RBM27: variants seen among roughly 807,000 people sequenced by gnomAD.
RBM27 encodes the protein RNA binding motif protein 27, also known as RNA-binding protein 27.
Under a neutral mutation model 135.3 loss-of-function variants are expected in RBM27, and 22 were observed. The observed-to-expected ratio is 0.16, with a 90% CI of 0.12 to 0.23. RBM27 has a LOEUF of 0.23. Ranked by LOEUF, RBM27 falls within the 10% of genes least tolerant of loss-of-function variation. The pLI, the probability that RBM27 is intolerant of heterozygous loss-of-function variation, is 1.00. For synonymous variants in RBM27, 481 were observed against 442.4 expected, an observed-to-expected ratio of 1.09 and a Z score of -1.10; for missense variants, 1,009 against 1,281.0, an observed-to-expected ratio of 0.79 and a Z score of 3.24.
intron 8 of RBM27, among the ~76,000 whole-genome samples, chr5:146,241,447 T>C (rs1358259224): frequency 6.6e-6 from 1 of 152,216 alleles, no homozygotes; most frequent in Non-Finnish European, 1.5e-5. Context: ...GACTATTTTG[T>C]AGTATATGAG....
At position 146,286,255 on chromosome 5, in the gene RBM27, A is replaced by G. The variant is rs1463539142; in HGVS notation, c.*225A>G. The G allele has an allele frequency of 2.6e-6, 1 of 377,814 alleles. No individual in the cohort carries two copies. The highest frequency in any genetic ancestry group is 4.7e-6 in the Non-Finnish European group (1 of 213,966). 23.4% of individuals were successfully genotyped at this position (377,814 alleles called of 1,614,324 possible). A position where few individuals can be genotyped will look rare whatever the true frequency, so the allele number is the denominator to read the frequency against. ...TTACACAGTTGTGAAGATCCACAGCAATGACATGGATAATCTCTAGAGCCT... is the reference window on the plus strand; with the variant it reads ...TTACACAGTTGTGAAGATCCACAGCGATGACATGGATAATCTCTAGAGCCT... On this transcript the variant is annotated 3_prime_UTR_variant, in exon 21 of 21. Transcript: ENST00000265271.
intron 14 of RBM27, among the ~76,000 whole-genome samples, chr5:146,264,985 A>G (rs997464671): frequency 3.3e-5 from 5 of 152,194 alleles, no homozygotes; most frequent in Non-Finnish European, 5.9e-5. Context: ...TGAGATTTAG[A>G]TGCTGATTGA....
In RBM27 at chr5:146,222,180, A is replaced by C. The variant is rs191432628; in HGVS notation, c.179-1223A>C. ...ATAGTCAATGAGAGCTAACAGTTTT[A>C]TAATCGTGGAAAAATGCTTACTACA... On this transcript the variant is annotated intron_variant, in intron 2 of 20. Coordinates refer to ENST00000265271, the MANE Select transcript of RBM27 (RefSeq NM_018989.2). Among the ~76,000 whole-genome samples the C allele has an allele frequency of 2.1e-3, 314 of 152,360 alleles. 3 individuals are homozygous for C. Among genetic ancestry groups the C allele is most frequent in the African/African-American group, 7.1e-3 (296 of 41,588 alleles).
At chr5:146,205,909 C>T (rs535996188) in intron 1 of RBM27, among the ~76,000 whole-genome samples, 1 of 152,108 alleles carries the variant, frequency 6.6e-6, no homozygotes, top group African/African-American at 2.4e-5. Flanking sequence ...GTCCCAACTA[C>T]TCGGGAGGCT....
intron 3 of RBM27, among the ~76,000 whole-genome samples, chr5:146,226,318 A>T (rs544732057): frequency 6.6e-6 from 1 of 152,108 alleles, no homozygotes; most frequent in East Asian, 1.9e-4. Context: ...AGTGGTTTAG[A>T]TGTATCTGTT....
chr5:146,261,886 C>G, intron 13 of RBM27, 80 bp downstream of exon 13: 4 of 1,424,256 alleles, frequency 2.8e-6, no homozygotes, highest in Non-Finnish European at 3.9e-6. Context: ...GTCCTTGGGT[C>G]TTCTACAGAA....
chr5:146,218,077 T>C (rs919689587), intron 1 of RBM27, among the ~76,000 whole-genome samples: 1 of 152,200 alleles, frequency 6.6e-6, no homozygotes. Context: ...TCATTTTACC[T>C]TCATAACCTG....
intron 8 of RBM27, among the ~76,000 whole-genome samples, chr5:146,246,714 G>A (rs1757639703): frequency 2.0e-5 from 3 of 152,086 alleles, no homozygotes. Flanking sequence ...AACATATTAT[G>A]ATGGAAAATT....
intron 19 of RBM27, among the ~76,000 whole-genome samples, chr5:146,282,280 A>G (rs541149511): frequency 6.6e-6 from 1 of 152,354 alleles, no homozygotes; most frequent in South Asian, 2.1e-4. Context: ...TGTTAGGATT[A>G]CAGGCGTGAG....
chr5:146,237,247 T>C, intron 7 of RBM27, 51 bp from the exon 8 acceptor site: 2 of 1,607,888 alleles, frequency 1.2e-6, no homozygotes, highest in South Asian at 1.1e-5. Context: ...CTGATACTTT[T>C]ATTAGGAAAT....
chr5:146,266,221 A>G (rs547125225), intron 14 of RBM27, among the ~76,000 whole-genome samples: 1 of 152,304 alleles, frequency 6.6e-6, no homozygotes, highest in African/African-American at 2.4e-5. Flanking sequence ...TTTAAAAGAA[A>G]TTTGGGGGAC....
intron 8 of RBM27, among the ~76,000 whole-genome samples, chr5:146,245,699 C>A (rs1757596275): frequency 6.6e-6 from 1 of 151,896 alleles, no homozygotes; most frequent in Admixed American, 6.6e-5. Flanking sequence ...CAGGGGTCCC[C>A]AAACCCCGGG....
chr5:146,230,596 G>C, intron 5 of RBM27, 61 bp from the exon 6 acceptor site: 2 of 1,529,544 alleles, frequency 1.3e-6, no homozygotes, highest in South Asian at 1.2e-5. Context: ...AATAAATATA[G>C]TTTAAGAACA....
At chr5:146,268,915 T>C (rs1031213084) in intron 15 of RBM27, among the ~76,000 whole-genome samples, 1 of 152,222 alleles carries the variant, frequency 6.6e-6, no homozygotes, top group African/African-American at 2.4e-5. Context: ...AGCTATTACA[T>C]TGGCAAGTGA....
In RBM27 at chr5:146,229,020, A is replaced by G. The variant is rs967333786; in HGVS notation, c.378A>G (p.Ser126=). ...ATCCTAGTCCCCAGAAGACTCGTTC[A>G]GAATCTAGTGAACGAAGGTTTGTGT... is the stretch of plus-strand genomic sequence containing the variant. ...KKYPSPQKTR[S]ESSERRTREK... Residue 126 remains serine (S), a synonymous_variant, in exon 4 of 21, where the codon TCA becomes TCG. Coordinates refer to ENST00000265271, the MANE Select transcript of RBM27 (RefSeq NM_018989.2). The G allele has an allele frequency of 6.2e-7, 1 of 1,613,496 alleles. No homozygotes were observed. Among genetic ancestry groups the G allele is most frequent in the Non-Finnish European group, 8.5e-7 (1 of 1,179,700 alleles).
Position 146,237,389 on chromosome 5 carries a change from ACCT to A in RBM27, c.1243_1245del (p.Pro415del), listed in dbSNP as rs770586569. 33 of 1,613,854 alleles carry A rather than the reference ACCT, an allele frequency of 2.0e-5. No homozygotes were observed. The highest frequency in any genetic ancestry group is 2.8e-5 in the Non-Finnish European group (33 of 1,179,870). ...ATCTTGCATCAGTGGGAACAAGACT[ACCT>A]CCTCCTTTACCCCAGAACCTCCTTT... On this transcript the variant is annotated inframe_deletion, in exon 8 of 21. Coordinates refer to ENST00000265271, the MANE Select transcript of RBM27 (RefSeq NM_018989.2).
intron 6 of RBM27, among the ~76,000 whole-genome samples, chr5:146,232,115 TA>T (rs1756960227): frequency 6.6e-6 from 1 of 152,194 alleles, no homozygotes; most frequent in South Asian, 2.1e-4. Context: ...TTACATCATT[TA>T]AATAGGCACC....
chr5:146,240,071 C>G (rs1252198683), intron 8 of RBM27, among the ~76,000 whole-genome samples: 1 of 152,110 alleles, frequency 6.6e-6, no homozygotes, highest in African/African-American at 2.4e-5. Flanking sequence ...GCCACTGTTC[C>G]TGGCCTTTAA....
intron 19 of RBM27, among the ~76,000 whole-genome samples, chr5:146,282,000 CTTT>C (rs777368235): frequency 9.9e-6 from 1 of 101,500 alleles, no homozygotes; most frequent in Non-Finnish European, 1.9e-5. Context: ...TATTTTTCAT[CTTT>C]TTTTTTTTTT....
Sources: allele counts gnomAD v4.1 joint callset (sites outside exome capture counted in the v4.1 genomes callset), GRCh38; gene constraint gnomAD v4.1.1; transcripts MANE v1.5; gene names NCBI Gene and HGNC (gene_info 2026-07-23, HGNC 2026-07-21).